The following FAM124A variants were observed in gnomAD, a reference collection of about 807,000 sequenced individuals.
FAM124A encodes protein FAM124A.
FAM124A carries 23 observed loss-of-function variants against 24.5 expected under a neutral mutation model. The observed-to-expected ratio is 0.94, with a 90% CI of 0.68 to 1.33. FAM124A has a LOEUF of 1.33. FAM124A is among the 40% of genes most tolerant of loss of function. The pLI is 0.00. For synonymous variants in FAM124A, 287 were observed against 314.7 expected (o/e 0.91, Z 0.93); for missense variants, 623 against 722.8 (o/e 0.86, Z 1.58).
rs140085170 is a variant in FAM124A, at chr13:51,235,346, ATTAT to A, written c.100+3972_100+3975del. On this transcript the variant is annotated intron_variant, in intron 2 of 3. Transcript: ENST00000322475. ...ATGCAGTTTAAATAAAAGGAGGGAA[ATTAT>A]TTATAAACAGGAGAAAAGAAAAACA... is the stretch of plus-strand genomic sequence containing the variant. Among the ~76,000 whole-genome samples, 1,473 of 151,958 alleles carry A rather than the reference ATTAT, an allele frequency of 9.7e-3. 29 individuals are homozygous for A. The highest frequency in any genetic ancestry group is 0.034 in the African/African-American group (1,393 of 41,442).
At chr13:51,228,209 A>G (rs1808252638) in intron 1 of FAM124A, among the ~76,000 whole-genome samples, 1 of 152,160 alleles carries the variant, frequency 6.6e-6, no homozygotes, top group African/African-American at 2.4e-5. Context: ...TATGTAGTAT[A>G]TATATATATG....
intron 3 of FAM124A, among the ~76,000 whole-genome samples, chr13:51,279,859 C>T (rs1691861143): frequency 6.6e-6 from 1 of 152,110 alleles, no homozygotes; most frequent in African/African-American, 2.4e-5. Context: ...CCCGATAGCC[C>T]CTCACTCATG....
At chr13:51,276,808 G>A (rs1954889804) in intron 3 of FAM124A, among the ~76,000 whole-genome samples, 1 of 152,156 alleles carries the variant, frequency 6.6e-6, no homozygotes, top group South Asian at 2.1e-4. Context: ...GGCCATCACG[G>A]GCTCATTACA....
At chr13:51,241,696 T>C (rs1277761030) in intron 2 of FAM124A, among the ~76,000 whole-genome samples, 2 of 151,608 alleles carry the variant, frequency 1.3e-5, no homozygotes, top group African/African-American at 4.8e-5. Flanking sequence ...GTCAGTGTTA[T>C]ATTAAAATTT....
intron 2 of FAM124A, among the ~76,000 whole-genome samples, chr13:51,236,198 C>A (rs921278618): frequency 3.3e-5 from 5 of 152,166 alleles, no homozygotes; most frequent in Non-Finnish European, 7.3e-5. Flanking sequence ...AGGTGGATCA[C>A]AGGTGTTTTT....
At chr13:51,239,035 A>G (rs530868821) in intron 2 of FAM124A, among the ~76,000 whole-genome samples, 1 of 152,266 alleles carries the variant, frequency 6.6e-6, no homozygotes, top group South Asian at 2.1e-4. Flanking sequence ...TGAAAGAAAA[A>G]TGGAGGCAGA....
intron 2 of FAM124A, among the ~76,000 whole-genome samples, chr13:51,243,083 G>A (rs958760430): frequency 1.3e-5 from 2 of 152,182 alleles, no homozygotes; most frequent in South Asian, 4.1e-4. Context: ...ATGCAGTTTG[G>A]ATCTCCATGT....
chr13:51,266,495 C>T (rs912973321), intron 3 of FAM124A, among the ~76,000 whole-genome samples: 5 of 152,160 alleles, frequency 3.3e-5, no homozygotes, highest in South Asian at 2.1e-4. Flanking sequence ...CAGAACTTGA[C>T]GACTAGATTT....
intron 1 of FAM124A, among the ~76,000 whole-genome samples, chr13:51,224,102 TC>T (rs899249905): frequency 1.3e-5 from 2 of 152,244 alleles, no homozygotes; most frequent in African/African-American, 4.8e-5. Context: ...GGCTCCCCAC[TC>T]CTGCTGACAC....
chr13:51,242,448 G>A (rs957517382), intron 2 of FAM124A, among the ~76,000 whole-genome samples: 9 of 152,150 alleles, frequency 5.9e-5, no homozygotes, highest in Non-Finnish European at 1.0e-4. Flanking sequence ...TGCAGTCCCA[G>A]GGACTTACAC....
At chr13:51,266,307 T>A (rs569513615) in intron 3 of FAM124A, among the ~76,000 whole-genome samples, 2 of 152,352 alleles carry the variant, frequency 1.3e-5, no homozygotes, top group African/African-American at 4.8e-5. Context: ...GTATCTAAGT[T>A]GTACTCTTTT....
At chr13:51,233,065 G>A (rs1218926677) in intron 2 of FAM124A, among the ~76,000 whole-genome samples, 3 of 152,018 alleles carry the variant, frequency 2.0e-5, no homozygotes, top group African/African-American at 4.8e-5. Flanking sequence ...GAGTGAGTGT[G>A]TATATGTGTT....
At chr13:51,237,391 T>C (rs1489825877) in intron 2 of FAM124A, among the ~76,000 whole-genome samples, 1 of 152,082 alleles carries the variant, frequency 6.6e-6, no homozygotes, top group Non-Finnish European at 1.5e-5. Context: ...TACTTGAGCA[T>C]GCAACTTCCA....
intron 1 of FAM124A, among the ~76,000 whole-genome samples, chr13:51,224,030 AG>A (rs1278314417): frequency 6.6e-6 from 1 of 152,180 alleles, no homozygotes; most frequent in Admixed American, 6.5e-5. Context: ...TCCTGGACCC[AG>A]GGGGTGACAT....
At position 51,280,460 on chromosome 13, in the gene FAM124A, T is replaced by C. The variant is rs1253457392; in HGVS notation, c.845T>C (p.Val282Ala). The change falls in exon 4 of 4, where the codon GTG becomes GCG. Residue 282 changes from valine to alanine, a missense_variant. Transcript: ENST00000322475. ...CCTCTCCCCCCACAGGCACAAAGGG[T>C]GCATAAGAAGTTTCCTAAACCTGGC... ...GNKILLQAQRVHKKFPKPGRV... is the reference protein window; with the variant it reads ...GNKILLQAQRAHKKFPKPGRV... The C allele has an allele frequency of 1.2e-6, 2 of 1,603,200 alleles. No homozygotes were observed. The highest frequency in any genetic ancestry group is 2.7e-5 in the African/African-American group (2 of 74,596).
intron 2 of FAM124A, among the ~76,000 whole-genome samples, chr13:51,243,569 T>C (rs1036858736): frequency 1.3e-5 from 2 of 152,108 alleles, no homozygotes; most frequent in African/African-American, 4.8e-5. Context: ...GTTTTGCCCT[T>C]ATTGCCCAGG....
At chr13:51,230,669 T>G (rs1420373481) in intron 1 of FAM124A, among the ~76,000 whole-genome samples, 10 of 152,202 alleles carry the variant, frequency 6.6e-5, no homozygotes, top group Admixed American at 6.5e-4. Context: ...AGCCCCACTC[T>G]TACGGAGGCT....
intron 2 of FAM124A, among the ~76,000 whole-genome samples, chr13:51,232,566 C>T (rs1459394032): frequency 6.6e-6 from 1 of 152,206 alleles, no homozygotes; most frequent in African/African-American, 2.4e-5. Flanking sequence ...ATTAGTATAA[C>T]TGCAATGAGC....
intron 2 of FAM124A, among the ~76,000 whole-genome samples, chr13:51,234,190 A>G (rs1205283862): frequency 2.0e-5 from 3 of 152,214 alleles, no homozygotes; most frequent in Non-Finnish European, 2.9e-5. Flanking sequence ...TTCTTACTCA[A>G]CATTCACGTG....
Sources: gnomAD v4.1 joint callset for allele counts (sites outside exome capture counted in the v4.1 genomes callset) on GRCh38, gnomAD v4.1.1 for gene constraint, MANE v1.5 for transcripts, NCBI Gene and HGNC (gene_info 2026-07-23, HGNC 2026-07-21) for gene names.